Variants in NOC2L observed in about 807,000 individuals in gnomAD.
NOC2L encodes the protein nucleolar complex protein 2 homolog.
A neutral mutation model predicts 94.2 loss-of-function variants in NOC2L; 101 were observed. The observed-to-expected ratio is 1.07, with a 90% CI of 0.91 to 1.26. The LOEUF is 1.26. Ranked by LOEUF, NOC2L falls within the 50% of genes most tolerant of loss-of-function variation. The pLI is 0.00. For synonymous variants in NOC2L, 531 were observed against 413.4 expected, an observed-to-expected ratio of 1.28 and a Z score of -3.45; for missense variants, 1,076 against 980.1, an observed-to-expected ratio of 1.10 and a Z score of -1.31.
chr1:951,256 G>T lies in NOC2L; in HGVS notation c.1332-18C>A. 1 of 1,539,068 alleles carries T rather than the reference G, an allele frequency of 6.5e-7. No homozygotes were observed. The highest frequency in any genetic ancestry group is 2.4e-5 in the East Asian group (1 of 41,672). ...GGATGAGCCTGGGGGTGGGAAGGCC[G>T]AGTGAGCAGAGGCCCCGGCTCTGGC... is the stretch of plus-strand genomic sequence containing the variant. On this transcript the variant is annotated intron_variant, in intron 11 of 18. Transcript: ENST00000327044.
At position 948,922 on chromosome 1, in the gene NOC2L, C is replaced by G. The variant is rs147074754; in HGVS notation, c.1444-319G>C. Among the ~76,000 whole-genome samples the G allele has an allele frequency of 5.2e-3, 792 of 152,224 alleles. 7 individuals carry two copies. The highest frequency in any genetic ancestry group is 0.018 in the African/African-American group (752 of 41,524). ...GACCCACGTCTGGAGACCTAGAGGTCCCTGCCACACAGAGTACCAGGACAG... is the reference window on the plus strand; with the variant it reads ...GACCCACGTCTGGAGACCTAGAGGTGCCTGCCACACAGAGTACCAGGACAG... On this transcript the variant is annotated intron_variant, in intron 12 of 18. Coordinates refer to ENST00000327044, the MANE Select transcript of NOC2L (RefSeq NM_015658.4).
chr1:948,181 G>A lies in NOC2L; in HGVS notation c.1609C>T (p.Gln537Ter), dbSNP rs778307982. The A allele has an allele frequency of 2.5e-6, 4 of 1,591,136 alleles. No homozygotes were observed. The highest frequency in any genetic ancestry group is 2.3e-5 in the South Asian group (2 of 87,480). Reference protein sequence around the residue: ...YDLTLEYLHSQAHCIGFPELV... With the variant: ...YDLTLEYLHS ...TCCGGGAAGCCGATGCAGTGTGCCT[G>A]GCTGTGCAGGTACTCCAGGGTGAGG... The change falls in exon 14 of 19, where the codon CAG becomes TAG. Residue 537 changes from glutamine (Q) to a stop codon, truncating the protein, a stop_gained. Transcript: ENST00000327044. LOFTEE classifies it high-confidence loss of function.
chr1:947,658 AGGCTGACGTGGGGTATTTAGCGG>A (rs1276683445), intron 14 of NOC2L, among the ~76,000 whole-genome samples: 1 of 152,162 alleles, frequency 6.6e-6, no homozygotes, highest in African/African-American at 2.4e-5. Flanking sequence ...GCCTAAGATG[AGGCTGACGTGGGGTATTTAGCGG>A]GGCAGGCTGG....
At chr1:945,329 C>T (rs1482600336) in intron 17 of NOC2L, 183 bp from the exon 18 acceptor site, 1 of 955,486 alleles carries the variant, frequency 1.0e-6, no homozygotes, top group Non-Finnish European at 1.5e-6. Flanking sequence ...TTACCAATCC[C>T]AGTAGGCCTT....
intron 4 of NOC2L, 70 bp from the exon 5 acceptor site, chr1:956,285 C>T: frequency 1.3e-6 from 2 of 1,589,210 alleles, no homozygotes; most frequent in Non-Finnish European, 1.7e-6. Context: ...AAACGGCAGC[C>T]CCAGAGAAAG....
intron 2 of NOC2L, 104 bp downstream of exon 2, chr1:958,825 G>A: frequency 1.7e-6 from 2 of 1,189,130 alleles, no homozygotes; most frequent in Non-Finnish European, 2.5e-6. Flanking sequence ...GGCAGAGGTC[G>A]GCGATCCTTA....
At chr1:956,296 G>A in intron 4 of NOC2L, 81 bp from the exon 5 acceptor site, 1 of 1,546,458 alleles carries the variant, frequency 6.5e-7, no homozygotes, top group African/African-American at 1.4e-5. Flanking sequence ...CCAGAGAAAG[G>A]CACCCTCACC....
chr1:949,192 C>T (rs1464083296), intron 12 of NOC2L, among the ~76,000 whole-genome samples: 5 of 152,138 alleles, frequency 3.3e-5, no homozygotes, highest in African/African-American at 7.2e-5. Flanking sequence ...AGCCTGGCCT[C>T]TCAGTCTTGT....
At chr1:945,371 A>G (rs113563466) in intron 17 of NOC2L, 147 bp downstream of exon 17, 17,941 of 1,068,774 alleles carry the variant, frequency 0.017, 335 homozygotes, top group African/African-American at 0.083. Context: ...TGGCACCAGA[A>G]GCCTGGCAAC....
At position 952,435 on chromosome 1, in the gene NOC2L, T is replaced by A; in HGVS notation, c.1168A>T (p.Asn390Tyr). The A allele has an allele frequency of 6.2e-7, 1 of 1,613,640 alleles. No homozygotes were observed. The highest frequency in any genetic ancestry group is 8.5e-7 in the Non-Finnish European group (1 of 1,179,978). ...ACCTTCTTGCGAGTGGTCATGGCGT[T>A]GCGCAGGTGTATGGCGAGCTGGCGG... ...YIRQLAIHLR[N>Y]AMTTRKKETY... The change falls in exon 10 of 19, where the codon AAC becomes TAC. Residue 390 changes from asparagine (N) to tyrosine (Y), a missense_variant. Around this residue, in one of 3 missense-constraint regions of NOC2L, gnomAD observed 615 missense variants for 577.4 expected, o/e 1.07. Coordinates refer to ENST00000327044, the MANE Select transcript of NOC2L (RefSeq NM_015658.4).
At chr1:945,689 A>C (rs1642086650) in intron 16 of NOC2L, 36 bp from the exon 17 acceptor site, 7 of 1,613,648 alleles carry the variant, frequency 4.3e-6, no homozygotes, top group Non-Finnish European at 5.9e-6. Flanking sequence ...CAGGTGAGAG[A>C]GGGCAGGGGC....
At chr1:945,034 CCT>C (rs1557614244) in intron 18 of NOC2L, 21 bp downstream of exon 18, 2 of 1,613,992 alleles carry the variant, frequency 1.2e-6, no homozygotes. Context: ...AGGGCCACAC[CCT>C]CTCACCCCAA....
chr1:958,357 A>G (rs1175218012), intron 2 of NOC2L: 1 of 256,562 alleles, frequency 3.9e-6, no homozygotes, highest in Non-Finnish European at 7.8e-6. Context: ...AGTTCAAGCG[A>G]TTCTCCTGCC....
chr1:957,522 G>C (rs1206641502), intron 2 of NOC2L: 1 of 503,176 alleles, frequency 2.0e-6, no homozygotes, highest in East Asian at 3.3e-5. Context: ...GCGCTACACA[G>C]GCCCCCAGCC....
rs1314748830 is a variant in NOC2L at position 944,804 on chromosome 1, CG to C, written c.2144-5del. 6.4e-7 allele frequency: 1 copy of C among 1,556,792 alleles called. No individual in the cohort carries two copies. ...GCCTCTGCGTCTGGGTCTCCATCTG[CG>C]GGGAGAGATGGAGGCTACATAAATT... On this transcript the variant is annotated splice_region_variant and splice_polypyrimidine_tract_variant and intron_variant, in intron 18 of 18. Coordinates refer to ENST00000327044, the MANE Select transcript of NOC2L (RefSeq NM_015658.4).
intron 12 of NOC2L, among the ~76,000 whole-genome samples, chr1:950,552 T>G (rs1382582988): frequency 1.3e-5 from 2 of 151,946 alleles, no homozygotes; most frequent in African/African-American, 2.4e-5. Flanking sequence ...GGTACACACA[T>G]GCATACACAC....
rs199618485 is a variant in NOC2L, at chr1:956,965, C to A, written c.415G>T (p.Gly139Trp). The change falls in exon 4 of 19, where the codon GGG (glycine) becomes TGG (tryptophan). Residue 139 changes from glycine (G) to tryptophan (W), a missense_variant. Physicochemically the swap from Gly to Trp is radical, Grantham distance 184. Transcript: ENST00000327044. ...EGEDGDRVPRGLKGKKNSVPV... is the reference protein window; with the variant it reads ...EGEDGDRVPRWLKGKKNSVPV... ...ACAGAATTCTTCTTCCCCTTCAGCC[C>A]TCTGGGGACTCTGTCCCCATCTTCT... 21 of 1,614,084 alleles carry A rather than the reference C, an allele frequency of 1.3e-5. No individual in the cohort carries two copies. The highest frequency in any genetic ancestry group is 8.5e-7 in the Non-Finnish European group (1 of 1,180,012).
rs553796925 is a variant in NOC2L at position 957,389 on chromosome 1, G to A, written c.180-116C>T. On this transcript the variant is annotated intron_variant, in intron 2 of 18. Coordinates refer to ENST00000327044, the MANE Select transcript of NOC2L (RefSeq NM_015658.4). ...GGTTACCAACTAGCAAGACAGGATT[G>A]CCAGGAGGTACGTTTTTGGCAGACT... The A allele has an allele frequency of 1.1e-4, 117 of 1,030,794 alleles. 1 individual carries two copies. The South Asian group carries it at 1.7e-3, about 15-fold the overall frequency. 63.9% of individuals were successfully genotyped at this position (1,030,794 alleles called of 1,614,324 possible).
Position 959,007 on chromosome 1 carries a change from TTTTCGGACTCGG to T in NOC2L, c.89_100del (p.Ser30_Asn34delinsTyr). ...TTCCCGTGTCTCCGCTTGTGGAGAATTTTCGGACTCGGATTCGGACTCGGAGTCAAAGCCCGA... is the reference window on the plus strand; with the variant it reads ...TTCCCGTGTCTCCGCTTGTGGAGAATATTCGGACTCGGAGTCAAAGCCCGA... On this transcript the variant is annotated inframe_deletion, in exon 2 of 19. Coordinates refer to ENST00000327044, the MANE Select transcript of NOC2L (RefSeq NM_015658.4). 1.5e-5 allele frequency: 24 copies of T among 1,612,588 alleles called. No homozygotes were observed. Among genetic ancestry groups the T allele is most frequent in the Non-Finnish European group, 2.0e-5 (24 of 1,179,880 alleles).
Sources: allele counts gnomAD v4.1 joint callset (sites outside exome capture counted in the v4.1 genomes callset), GRCh38; gene constraint gnomAD v4.1.1; regional missense constraint gnomAD v4.1.1; transcripts MANE v1.5; gene names NCBI Gene and HGNC (gene_info 2026-07-23, HGNC 2026-07-21).